GALK2: variants seen among roughly 807,000 people sequenced by gnomAD.
The protein encoded by GALK2 is N-acetylgalactosamine kinase.
GALK2 carries 36 observed loss-of-function variants against 52.4 expected under a neutral mutation model. That is an observed-to-expected ratio of 0.69 (90% CI 0.53 to 0.91). GALK2 has a LOEUF of 0.91. Ranked by LOEUF, GALK2 falls within the 40% of genes least tolerant of loss-of-function variation. GALK2 has a pLI of 0.00. For missense variants in GALK2, 579 were observed against 559.1 expected, an observed-to-expected ratio of 1.04 and a Z score of -0.36; for synonymous variants, 176 against 199.1, an observed-to-expected ratio of 0.88 and a Z score of 0.98.
At chr15:49,366,615 C>T in intron 3 of GALK2, 1 of 1,596,282 alleles carries the variant, frequency 6.3e-7, no homozygotes, top group South Asian at 1.1e-5. Flanking sequence ...TCCTGAGCGG[C>T]TGTCAGCTGG....
chr15:49,224,906 T>G (rs1360024131), intron 3 of GALK2, among the ~76,000 whole-genome samples: 1 of 152,258 alleles, frequency 6.6e-6, no homozygotes, highest in African/African-American at 2.4e-5. Context: ...GCCAAGGCTC[T>G]GTACAGGATC....
intron 7 of GALK2, among the ~76,000 whole-genome samples, chr15:49,287,212 C>T (rs1035030330): frequency 2.6e-5 from 4 of 152,144 alleles, no homozygotes; most frequent in Non-Finnish European, 5.9e-5. Flanking sequence ...GTACTTTGGT[C>T]AGCAAAATTG....
chr15:49,340,561 T>C (rs2040563750), intron 3 of GALK2, among the ~76,000 whole-genome samples: 1 of 152,174 alleles, frequency 6.6e-6, no homozygotes, highest in East Asian at 1.9e-4. Context: ...GCGCTTTTCC[T>C]ATTAGGCCAT....
intron 1 of GALK2, among the ~76,000 whole-genome samples, chr15:49,176,671 C>T (rs181731198): frequency 0.017 from 2,587 of 152,186 alleles, 31 homozygotes; most frequent in Middle Eastern, 0.027. Context: ...CCTTCATATT[C>T]CTGGAATGAA....
chr15:49,303,619 T>C (rs1195284476), intron 8 of GALK2, among the ~76,000 whole-genome samples: 2 of 152,212 alleles, frequency 1.3e-5, no homozygotes, highest in African/African-American at 2.4e-5. Flanking sequence ...TCCCTGTATG[T>C]ACCTGGTTTC....
chr15:49,183,923 G>A (rs1180546484), intron 1 of GALK2, among the ~76,000 whole-genome samples: 1 of 151,930 alleles, frequency 6.6e-6, no homozygotes, highest in East Asian at 1.9e-4. Context: ...GTGCTGAGGA[G>A]AGGAATGTGT....
intron 3 of GALK2, among the ~76,000 whole-genome samples, chr15:49,228,851 C>T (rs2090342915): frequency 1.3e-5 from 2 of 150,382 alleles, no homozygotes; most frequent in East Asian, 2.0e-4. Context: ...CCCACCACCA[C>T]ACCTGGCTGA....
Position 49,344,868 on chromosome 15 carries a change from AAGTGACTG to A in GALK2, c.427-22621_427-22614del, listed in dbSNP as rs202003093. Among the ~76,000 whole-genome samples the A allele has an allele frequency of 2.0e-4, 30 of 152,324 alleles. No individual in the cohort carries two copies. In the East Asian group the frequency reaches 5.8e-3, roughly 29 times the overall value. On this transcript the variant is annotated intron_variant, in intron 3 of 3. Transcript: ENST00000558399. ...CCGTCTTACTCCCTCCTGCTACATCAAGTGACTGAACATCTAAAATCTTTTCTGAGTAA... is the reference window on the plus strand; with the variant it reads ...CCGTCTTACTCCCTCCTGCTACATCAAACATCTAAAATCTTTTCTGAGTAA...
intron 1 of GALK2, 90 bp from the exon 2 acceptor site, chr15:49,201,072 G>GTT: frequency 1.5e-6 from 1 of 657,774 alleles, no homozygotes; most frequent in Non-Finnish European, 2.8e-6. Context: ...GTGTGTGTGT[G>GTT]TGTGTGTGTG....
intron 5 of GALK2, among the ~76,000 whole-genome samples, chr15:49,274,024 A>G (rs966285953): frequency 2.0e-5 from 3 of 152,180 alleles, no homozygotes; most frequent in Non-Finnish European, 4.4e-5. Context: ...TACCCTCGAC[A>G]GGGAGAGACA....
At chr15:49,246,864 C>T (rs994259445) in intron 5 of GALK2, among the ~76,000 whole-genome samples, 1 of 152,126 alleles carries the variant, frequency 6.6e-6, no homozygotes, top group South Asian at 2.1e-4. Context: ...TTGTTGAATA[C>T]CTACTATATG....
intron 3 of GALK2, among the ~76,000 whole-genome samples, chr15:49,358,932 C>T (rs200370261): frequency 0.23 from 32,004 of 140,742 alleles, 4,191 homozygotes; most frequent in Non-Finnish European, 0.32. Flanking sequence ...GAAATAACGC[C>T]GCATATCTAC....
At chr15:49,306,235 A>G (rs903847404) in intron 8 of GALK2, among the ~76,000 whole-genome samples, 6 of 151,958 alleles carry the variant, frequency 3.9e-5, no homozygotes, top group Non-Finnish European at 8.8e-5. Flanking sequence ...GCCATTTTAC[A>G]TGCCAGATAG....
intron 5 of GALK2, among the ~76,000 whole-genome samples, chr15:49,255,816 A>G (rs544169480): frequency 2.0e-5 from 3 of 152,244 alleles, no homozygotes; most frequent in Non-Finnish European, 4.4e-5. Context: ...TTAATTAATA[A>G]TGCATGTTTG....
chr15:49,321,382 C>T (rs2036859504), intron 9 of GALK2, among the ~76,000 whole-genome samples: 1 of 152,086 alleles, frequency 6.6e-6, no homozygotes, highest in Non-Finnish European at 1.5e-5. Flanking sequence ...CCGTGTAGGC[C>T]ATCGGAAGGC....
At chr15:49,170,033 G>GC (rs904809228), upstream of GALK2, 11 of 430,162 alleles carry the variant, frequency 2.6e-5, no homozygotes, top group Non-Finnish European at 4.5e-5. Context: ...CTTCGCACGT[G>GC]CTCTGCGCAG....
In GALK2 at chr15:49,265,653, G is replaced by A. The variant is rs151167234; in HGVS notation, c.505-16334G>A. 9.3e-3 allele frequency among the ~76,000 whole-genome samples: 1,413 copies of A among 152,328 alleles called. 34 individuals carry two copies. Among genetic ancestry groups the A allele is most frequent in the South Asian group, 0.069 (331 of 4,830 alleles). ...TCAGATGGAAATGCAGAAATCACCCGTCTTCTGCGTCGCTCACGCTGGGAG... is the reference window on the plus strand; with the variant it reads ...TCAGATGGAAATGCAGAAATCACCCATCTTCTGCGTCGCTCACGCTGGGAG... On this transcript the variant is annotated intron_variant, in intron 5 of 9. Coordinates refer to ENST00000560031, the MANE Select transcript of GALK2 (RefSeq NM_002044.4).
At chr15:49,270,666 T>C (rs1334458829) in intron 5 of GALK2, among the ~76,000 whole-genome samples, 1 of 152,194 alleles carries the variant, frequency 6.6e-6, no homozygotes, top group East Asian at 1.9e-4. Context: ...AATTAACTAT[T>C]GTATACATAA....
At chr15:49,220,294 A>G (rs1395900173) in intron 3 of GALK2, among the ~76,000 whole-genome samples, 3 of 151,884 alleles carry the variant, frequency 2.0e-5, no homozygotes, top group Non-Finnish European at 4.4e-5. Context: ...TCTATTATCT[A>G]TTATTCTACC....
Sources: allele counts gnomAD v4.1 joint callset (sites outside exome capture counted in the v4.1 genomes callset), GRCh38; gene constraint gnomAD v4.1.1; transcripts MANE v1.5; gene names NCBI Gene and HGNC (gene_info 2026-07-23, HGNC 2026-07-21).